The following DAP variants were observed in gnomAD, a reference collection of about 807,000 sequenced individuals.
The protein encoded by DAP is death associated protein.
A neutral mutation model predicts 13.8 loss-of-function variants in DAP; 8 were observed. That is an observed-to-expected ratio of 0.58 (90% CI 0.34 to 1.05). The LOEUF (loss-of-function observed/expected upper bound fraction) is 1.05, where lower values mean the gene tolerates loss of function less well. DAP is among the 50% of genes least tolerant of loss of function. The pLI is 0.03. For missense variants in DAP, 106 were observed against 133.2 expected (o/e 0.80, Z 1.01); for synonymous variants, 47 against 47.5 (o/e 0.99, Z 0.04).
chr5:10,728,653 T>C (rs61539967), intron 2 of DAP, among the ~76,000 whole-genome samples: 109 of 152,332 alleles, frequency 7.2e-4, no homozygotes, highest in Middle Eastern at 6.8e-3. Context: ...ACCAAACTCC[T>C]GGGTTCAAAT....
chr5:10,683,672 T>TG, intron 2 of DAP, 101 bp from the exon 3 acceptor site: 1 of 1,121,456 alleles, frequency 8.9e-7, no homozygotes, highest in South Asian at 1.3e-5. Flanking sequence ...CTGGAGGGCG[T>TG]GGAGGCAGAA....
intron 1 of DAP, among the ~76,000 whole-genome samples, chr5:10,758,159 G>A (rs753273295): frequency 4.0e-5 from 6 of 151,240 alleles, no homozygotes; most frequent in Non-Finnish European, 8.8e-5. Context: ...TTTATGAACT[G>A]TGCTCTTGGC....
At chr5:10,681,568 GTGTT>G (rs1738002931) in intron 3 of DAP, among the ~76,000 whole-genome samples, 6 of 150,354 alleles carry the variant, frequency 4.0e-5, no homozygotes, top group African/African-American at 1.5e-4. Flanking sequence ...AGGAAGCATG[GTGTT>G]TGTGGGTGAG....
chr5:10,735,127 T>C (rs555100259), intron 2 of DAP, among the ~76,000 whole-genome samples: 1 of 152,222 alleles, frequency 6.6e-6, no homozygotes, highest in South Asian at 2.1e-4. Context: ...AGATGATGAA[T>C]TTAGAGTGAA....
In DAP at chr5:10,701,537, G is replaced by A. The variant is rs1738575208; in HGVS notation, c.153-17966C>T. Among the ~76,000 whole-genome samples the A allele has an allele frequency of 5.1e-5, 7 of 136,926 alleles. No homozygotes were observed. In the Admixed American group the frequency reaches 6.0e-4, roughly 12 times the overall value. The allele number at this position is 136,926 out of a possible 152,430, so 89.8% of individuals were successfully genotyped here. A position where few individuals can be genotyped will look rare whatever the true frequency, so the allele number is the denominator to read the frequency against. ...TCCAATAATGATTGCAATGTCAGAT[G>A]ACATTGTATTTGTCTTCTATCAGTT... On this transcript the variant is annotated intron_variant, in intron 2 of 3. Transcript: ENST00000230895.
chr5:10,683,149 C>T, intron 3 of DAP: 1 of 297,252 alleles, frequency 3.4e-6, no homozygotes. Context: ...TGGGCTGTCC[C>T]CAACACTGGC....
Position 10,761,079 on chromosome 5 carries a change from G to GGCTTCCGCGGGGCCGAGGCGGC in DAP, c.-33_-12dup, listed in dbSNP as rs1740344102. 8.3e-7 allele frequency: 1 copy of GGCTTCCGCGGGGCCGAGGCGGC among 1,211,184 alleles called. No homozygotes were observed. The highest frequency in any genetic ancestry group is 3.4e-5 in the East Asian group (1 of 29,046). 75.0% of individuals were successfully genotyped at this position (1,211,184 alleles called of 1,614,324 possible). A position where few individuals can be genotyped will look rare whatever the true frequency, so the allele number is the denominator to read the frequency against. On this transcript the variant is annotated 5_prime_UTR_variant, in exon 1 of 4. Transcript: ENST00000230895. ...GGGAGGCGAAGACATGACGCGGCGGGGCTTCCGCGGGGCCGAGGCGGCGGC... is the reference window on the plus strand; with the variant it reads ...GGGAGGCGAAGACATGACGCGGCGGGGCTTCCGCGGGGCCGAGGCGGCGCTTCCGCGGGGCCGAGGCGGCGGC...
intron 2 of DAP, among the ~76,000 whole-genome samples, chr5:10,745,323 A>C (rs1246565383): frequency 6.6e-6 from 1 of 152,226 alleles, no homozygotes; most frequent in Non-Finnish European, 1.5e-5. Flanking sequence ...TAAACAGCCA[A>C]GCCAAAGTCA....
chr5:10,717,660 C>T (rs940794264), intron 2 of DAP, among the ~76,000 whole-genome samples: 2 of 152,184 alleles, frequency 1.3e-5, no homozygotes, highest in African/African-American at 4.8e-5. Context: ...CCTCAGAATC[C>T]ACCCCAATAC....
chr5:10,718,717 T>A (rs927541312), intron 2 of DAP, among the ~76,000 whole-genome samples: 1 of 152,178 alleles, frequency 6.6e-6, no homozygotes, highest in East Asian at 1.9e-4. Flanking sequence ...AATTAACACA[T>A]CTCCTGGTAC....
rs1738724612 is a variant in DAP, at chr5:10,707,442, G to A, written c.153-23871C>T. 6.6e-6 allele frequency among the ~76,000 whole-genome samples: 1 copy of A among 152,020 alleles called. No individual in the cohort carries two copies. Among genetic ancestry groups the A allele is most frequent in the Non-Finnish European group, 1.5e-5 (1 of 68,052 alleles). ...ATGTGGCCCCAGCACTGAGCTGAGG[G>A]CAGGAGAGCTGGTGGTGTGATGCAC... On this transcript the variant is annotated intron_variant, in intron 2 of 3. Transcript: ENST00000230895. This position sits in a 1 kb window ranked among gnomAD's most constrained non-coding sequence, Gnocchi z 4.0.
intron 3 of DAP, among the ~76,000 whole-genome samples, chr5:10,681,608 T>C (rs866550926): frequency 0.022 from 1,347 of 61,096 alleles, 14 homozygotes; most frequent in African/African-American, 0.061. Context: ...CACCCACCAG[T>C]GTCCCTGCAG....
At chr5:10,757,400 G>C (rs531823392) in intron 1 of DAP, among the ~76,000 whole-genome samples, 5 of 152,204 alleles carry the variant, frequency 3.3e-5, no homozygotes, top group Admixed American at 2.0e-4. Context: ...TCAGCCTACA[G>C]AGTAGCTGAG....
At chr5:10,760,594 T>A (rs190430049) in intron 1 of DAP, among the ~76,000 whole-genome samples, 147 of 152,362 alleles carry the variant, frequency 9.6e-4, no homozygotes, top group Non-Finnish European at 1.7e-3. Flanking sequence ...GCTGGCAGCC[T>A]CTAATTAATC....
intron 2 of DAP, among the ~76,000 whole-genome samples, chr5:10,712,155 GAA>G (rs1738869911): frequency 6.6e-6 from 1 of 152,186 alleles, no homozygotes; most frequent in Non-Finnish European, 1.5e-5. Context: ...GGCAGAGAGA[GAA>G]GACTGTTTGA....
At chr5:10,726,611 C>A (rs1195674510) in intron 2 of DAP, among the ~76,000 whole-genome samples, 1 of 152,246 alleles carries the variant, frequency 6.6e-6, no homozygotes, top group Non-Finnish European at 1.5e-5. Flanking sequence ...TCAGCCCCTG[C>A]CACTTCAGCT....
chr5:10,701,804 T>G (rs1241056337), intron 2 of DAP, among the ~76,000 whole-genome samples: 1 of 152,158 alleles, frequency 6.6e-6, no homozygotes, highest in African/African-American at 2.4e-5. Context: ...TCTTTCACTC[T>G]CAAAGCATGT....
intron 2 of DAP, among the ~76,000 whole-genome samples, chr5:10,698,529 A>G (rs1465979876): frequency 6.6e-6 from 1 of 152,120 alleles, no homozygotes; most frequent in Non-Finnish European, 1.5e-5. Context: ...GTTTCGAGAA[A>G]TGCACTGTGA....
intron 2 of DAP, among the ~76,000 whole-genome samples, chr5:10,730,733 G>A (rs1262305814): frequency 1.8e-5 from 2 of 111,836 alleles, no homozygotes; most frequent in Non-Finnish European, 3.7e-5. Context: ...TCTGTACTGA[G>A]AGCCCTGGTG....
Sources: gnomAD v4.1 joint callset for allele counts (sites outside exome capture counted in the v4.1 genomes callset) on GRCh38, gnomAD v4.1.1 for gene constraint, Gnocchi (gnomAD v3.1) non-coding constraint, MANE v1.5 for transcripts, NCBI Gene and HGNC (gene_info 2026-07-23, HGNC 2026-07-21) for gene names.